Variants in RNMT observed in about 807,000 individuals in gnomAD.
RNMT encodes the protein mRNA cap guanine-N(7) methyltransferase.
Under a neutral mutation model 56.0 loss-of-function variants are expected in RNMT, and 27 were observed. The observed-to-expected ratio is 0.48, with a 90% CI of 0.36 to 0.67. The LOEUF (loss-of-function observed/expected upper bound fraction) is 0.67, where lower values mean the gene tolerates loss of function less well. RNMT is among the 30% of genes least tolerant of loss of function. The pLI, the probability that RNMT is intolerant of heterozygous loss-of-function variation, is 0.00. For missense variants in RNMT, 519 were observed against 552.1 expected, an observed-to-expected ratio of 0.94 and a Z score of 0.60; for synonymous variants, 184 against 176.2, an observed-to-expected ratio of 1.04 and a Z score of -0.35.
In RNMT at chr18:13,760,774, A is replaced by AT. The variant is rs34353459; in HGVS notation, c.*801dup. ...TCCCTCCCATGTAGACATGTTGCAC[A>AT]TTTTTTCCAAATTTATACATGGAAC... On this transcript the variant is annotated 3_prime_UTR_variant, in exon 12 of 12. Transcript: ENST00000383314. The AT allele has an allele frequency of 1.5e-5, 15 of 985,380 alleles. No homozygotes were observed. In the Admixed American group the frequency reaches 3.1e-4, roughly 20 times the overall value. 61.0% of individuals were successfully genotyped at this position (985,380 alleles called of 1,614,324 possible).
At chr18:13,739,861 A>G (rs975651545) in intron 5 of RNMT, among the ~76,000 whole-genome samples, 6 of 152,194 alleles carry the variant, frequency 3.9e-5, no homozygotes, top group African/African-American at 1.4e-4. Context: ...AACTGGGCTT[A>G]TTGATAGTGT....
At chr18:13,729,808 T>G (rs1201997878) in intron 1 of RNMT, among the ~76,000 whole-genome samples, 1 of 146,046 alleles carries the variant, frequency 6.8e-6, no homozygotes, top group East Asian at 2.0e-4. Context: ...ATGAAAAAGC[T>G]TTTTTTTTTT....
In RNMT at chr18:13,726,703, C is replaced by T. The variant is rs1471556648; in HGVS notation, c.-198C>T. 2.0e-5 allele frequency: 3 copies of T among 152,324 alleles called. No homozygotes were observed. The highest frequency in any genetic ancestry group is 4.4e-5 in the Non-Finnish European group (3 of 68,114). 9.4% of individuals were successfully genotyped at this position (152,324 alleles called of 1,614,324 possible). A position where few individuals can be genotyped will look rare whatever the true frequency, so the allele number is the denominator to read the frequency against. On this transcript the variant is annotated 5_prime_UTR_variant, in exon 1 of 12. Transcript: ENST00000383314. ...CGCGTGGCGCGGGCCGCCGTTTCCG[C>T]AAACAGAATCGCGTTTGGCTGTGCT...
chr18:13,762,404 TGA>T lies in RNMT; in HGVS notation c.*2429_*2430del. 2.2e-6 allele frequency: 1 copy of T among 453,070 alleles called. No homozygotes were observed. Among genetic ancestry groups the T allele is most frequent in the Non-Finnish European group, 4.0e-6 (1 of 251,726 alleles). 28.1% of individuals were successfully genotyped at this position (453,070 alleles called of 1,614,324 possible). ...ACCTGTGGAAAGTATTGCAATTCTGTGAGAGTGACTCTGCAGAGTCACTGCAC... is the reference window on the plus strand; with the variant it reads ...ACCTGTGGAAAGTATTGCAATTCTGTGAGTGACTCTGCAGAGTCACTGCAC... On this transcript the variant is annotated 3_prime_UTR_variant, in exon 12 of 12. Transcript: ENST00000383314.
intron 11 of RNMT, among the ~76,000 whole-genome samples, chr18:13,757,553 A>G (rs1367844468): frequency 1.3e-5 from 2 of 152,168 alleles, no homozygotes; most frequent in Non-Finnish European, 2.9e-5. Flanking sequence ...CATTTGTTCA[A>G]GTTTGATCAT....
At position 13,760,518 on chromosome 18, in the gene RNMT, A is replaced by C. The variant is rs1323542474; in HGVS notation, c.*539A>C. ...ATGCTCATAAAAGTTACTTAGCTAA[A>C]ATTTTAGCAATTTATTGCATTTTGA... On this transcript the variant is annotated 3_prime_UTR_variant, in exon 12 of 12. Transcript: ENST00000383314. 1 of 985,594 alleles carries C rather than the reference A, an allele frequency of 1.0e-6. No individual in the cohort carries two copies. The highest frequency in any genetic ancestry group is 1.2e-6 in the Non-Finnish European group (1 of 829,772). The allele number at this position is 985,594 out of a possible 1,614,324, so 61.1% of individuals were successfully genotyped here. A position where few individuals can be genotyped will look rare whatever the true frequency, so the allele number is the denominator to read the frequency against.
intron 10 of RNMT, among the ~76,000 whole-genome samples, chr18:13,753,005 C>T (rs2044477293): frequency 6.6e-6 from 1 of 152,132 alleles, no homozygotes; most frequent in Admixed American, 6.5e-5. Flanking sequence ...TGCAAAGCAA[C>T]ACATATCTTT....
At chr18:13,739,492 A>G (rs754957792) in intron 5 of RNMT, among the ~76,000 whole-genome samples, 33 of 152,186 alleles carry the variant, frequency 2.2e-4, no homozygotes, top group Non-Finnish European at 4.4e-4. Flanking sequence ...TAAACAGGGA[A>G]AAGGGCAGGC....
At chr18:13,740,025 C>T in intron 5 of RNMT, 142 bp from the exon 6 acceptor site, 1 of 630,830 alleles carries the variant, frequency 1.6e-6, no homozygotes, top group African/African-American at 1.9e-5. Flanking sequence ...GGAACAAAGC[C>T]CTTTTCTTTT....
At chr18:13,747,532 T>G (rs73418731) in intron 9 of RNMT, among the ~76,000 whole-genome samples, 2,164 of 152,280 alleles carry the variant, frequency 0.014, 56 homozygotes, top group African/African-American at 0.046. Context: ...TTTTCACATT[T>G]TTTTAGTGGG....
At position 13,751,061 on chromosome 18, in the gene RNMT, A is replaced by G. The variant is rs528641714; in HGVS notation, c.1258-1265A>G. Among the ~76,000 whole-genome samples the G allele has an allele frequency of 5.3e-5, 8 of 152,294 alleles. No individual in the cohort carries two copies. In the East Asian group the frequency reaches 1.5e-3, roughly 29 times the overall value. On this transcript the variant is annotated intron_variant, in intron 9 of 11. Coordinates refer to ENST00000383314, the MANE Select transcript of RNMT (RefSeq NM_003799.3). ...ATTCAGGACATAGGCATGGGCAAAGACTTCATGACTAAAACACCAAAAGCA... is the reference window on the plus strand; with the variant it reads ...ATTCAGGACATAGGCATGGGCAAAGGCTTCATGACTAAAACACCAAAAGCA...
chr18:13,740,375 A>G (rs2044233113), intron 6 of RNMT, 96 bp downstream of exon 6: 2 of 715,782 alleles, frequency 2.8e-6, no homozygotes, highest in Non-Finnish European at 4.7e-6. Context: ...TTTTTTAAAA[A>G]AATTTACTCT....
chr18:13,728,044 C>T (rs1450811088), intron 1 of RNMT, among the ~76,000 whole-genome samples: 2 of 152,176 alleles, frequency 1.3e-5, no homozygotes, highest in African/African-American at 2.4e-5. Context: ...CTTGAGACTG[C>T]AGATATTTCT....
chr18:13,729,708 C>T (rs1365880718), intron 1 of RNMT, among the ~76,000 whole-genome samples: 1 of 152,098 alleles, frequency 6.6e-6, no homozygotes, highest in Non-Finnish European at 1.5e-5. Context: ...GTTACCCATT[C>T]CTTTAAGCAA....
At chr18:13,759,791 A>C (rs781509687) in intron 11 of RNMT, 151 bp from the exon 12 acceptor site, 1 of 626,846 alleles carries the variant, frequency 1.6e-6, no homozygotes, top group Admixed American at 2.8e-5. Flanking sequence ...AAATGATTCA[A>C]ATAATAGAGG....
rs771336224 is a variant in RNMT, at chr18:13,741,586, C to T, written c.869C>T (p.Ser290Leu). Reference sequence around the variant, plus strand: ...AGTTGTCAGTTTGTCTGTCATTACTCATTTGAGTCTTATGAGCAGGCTGAC... The same window carrying T: ...AGTTGTCAGTTTGTCTGTCATTACTTATTTGAGTCTTATGAGCAGGCTGAC... ...ICSCQFVCHY[S>L]FESYEQADMM... The change falls in exon 7 of 12, where the codon TCA (serine) becomes TTA (leucine). Residue 290 changes from serine (S) to leucine (L), a missense_variant. By Grantham distance (145) the Ser-to-Leu change is moderately radical. Transcript: ENST00000383314. 1 of 1,613,666 alleles carries T rather than the reference C, an allele frequency of 6.2e-7. No individual in the cohort carries two copies. The highest frequency in any genetic ancestry group is 1.3e-5 in the African/African-American group (1 of 74,926).
chr18:13,730,056 G>A (rs966215953), intron 1 of RNMT, among the ~76,000 whole-genome samples: 18 of 152,178 alleles, frequency 1.2e-4, no homozygotes, highest in African/African-American at 4.1e-4. Context: ...CCCCAAAGTG[G>A]TGGGATTACA....
rs1215291426 is a variant in RNMT, at chr18:13,742,773, G to GT, written c.1139+128dup. 5.4e-5 allele frequency: 36 copies of GT among 667,114 alleles called. No homozygotes were observed. In the East Asian group the frequency reaches 1.0e-3, roughly 19 times the overall value. 41.3% of individuals were successfully genotyped at this position (667,114 alleles called of 1,614,324 possible). ...AGGGCTAAAGAAAAAGTATAATCTT[G>GT]TTTTTTTGTTTTTGTGTTTTTAAAA... On this transcript the variant is annotated intron_variant, in intron 8 of 11. Transcript: ENST00000383314.
In RNMT at chr18:13,746,298, TG is replaced by T; in HGVS notation, c.1219del (p.Glu407LysfsTer6). Reference protein sequence around the residue: ...EFYEEKIKNNENKMLLKRMQA... With the variant: ...EFYEEKIKNNXNKMLLKRMQA... ...TCTACGAAGAAAAGATTAAGAACAA[TG>T]AAAATAAAATGCTCTTAAAACGAAT... is the stretch of plus-strand genomic sequence containing the variant. On this transcript the variant is annotated frameshift_variant, in exon 9 of 12. Coordinates refer to ENST00000383314, the MANE Select transcript of RNMT (RefSeq NM_003799.3). LOFTEE classifies it high-confidence loss of function. The T allele has an allele frequency of 6.4e-7, 1 of 1,572,406 alleles. No individual in the cohort carries two copies. Among genetic ancestry groups the T allele is most frequent in the Non-Finnish European group, 8.7e-7 (1 of 1,152,228 alleles).
Sources: gnomAD v4.1 joint callset for allele counts (sites outside exome capture counted in the v4.1 genomes callset) on GRCh38, gnomAD v4.1.1 for gene constraint, MANE v1.5 for transcripts, NCBI Gene and HGNC (gene_info 2026-07-23, HGNC 2026-07-21) for gene names.